Variants in RELT observed in about 807,000 individuals in gnomAD.
The protein encoded by RELT is RELT TNF receptor.
A neutral mutation model predicts 51.1 loss-of-function variants in RELT; 37 were observed. The observed-to-expected ratio is 0.72, with a 90% CI of 0.56 to 0.95. The LOEUF is 0.95. Ranked by LOEUF, RELT falls within the 40% of genes least tolerant of loss-of-function variation. The pLI is 0.00. For synonymous variants in RELT, 241 were observed against 235.7 expected (o/e 1.02, Z -0.21); for missense variants, 535 against 572.6 (o/e 0.93, Z 0.67).
chr11:73,392,441 G>A lies in RELT; in HGVS notation c.598G>A (p.Gly200Arg), dbSNP rs768121452. 3 of 1,613,122 alleles carry A rather than the reference G, an allele frequency of 1.9e-6. No individual in the cohort carries two copies. The highest frequency in any genetic ancestry group is 2.7e-5 in the African/African-American group (2 of 74,932). ...CCACTGCACGGCGCACAAGGAGGTCGGGCCCGGCCCTGGAGGTGGAGGCAG... is the reference window on the plus strand; with the variant it reads ...CCACTGCACGGCGCACAAGGAGGTCAGGCCCGGCCCTGGAGGTGGAGGCAG... ...GYHCTAHKEV[G>R]PGPGGGGSGI... Residue 200 changes from glycine to arginine, a missense_variant, in exon 6 of 11, where the codon GGG (glycine) becomes AGG (arginine). Gly to Arg is a moderately radical substitution (Grantham distance 125). Transcript: ENST00000064780.
chr11:73,390,773 T>A lies in RELT; in HGVS notation c.139T>A (p.Leu47Ile). ...EPDLDPGQGT[L>I]CRPCPPGTFS... ...CCCACAGGACCCAGGGCAGGGCACA[T>A]TATGCAGGCCCTGCCCCCCAGGCAC... Residue 47 changes from leucine to isoleucine, a missense_variant, in exon 4 of 11, where the codon TTA becomes ATA. By Grantham distance (5) the Leu-to-Ile change is conservative. Transcript: ENST00000064780. 1 of 1,608,650 alleles carries A rather than the reference T, an allele frequency of 6.2e-7. No homozygotes were observed. Among genetic ancestry groups the A allele is most frequent in the Non-Finnish European group, 8.5e-7 (1 of 1,177,922 alleles).
chr11:73,391,041 G>A (rs1480137616), intron 4 of RELT, 103 bp from the exon 5 acceptor site: 10 of 1,522,992 alleles, frequency 6.6e-6, no homozygotes, highest in Admixed American at 1.8e-5. Flanking sequence ...AAATGGGATG[G>A]GGCAGGACCA....
At chr11:73,383,318 C>T (rs1322929046) in intron 1 of RELT, among the ~76,000 whole-genome samples, 1 of 152,188 alleles carries the variant, frequency 6.6e-6, no homozygotes, top group Non-Finnish European at 1.5e-5. Context: ...CCTCTTTTTC[C>T]CCGCTCTGGG....
At chr11:73,395,035 C>G in intron 9 of RELT, 52 bp from the exon 10 acceptor site, 1 of 1,502,280 alleles carries the variant, frequency 6.7e-7, no homozygotes. Flanking sequence ...GCTGCCTTCT[C>G]TGTGCCCCGG....
In RELT at chr11:73,393,402, G is replaced by A. The variant is rs894932828; in HGVS notation, c.626-435G>A. 37 of 1,162,052 alleles carry A rather than the reference G, an allele frequency of 3.2e-5. No individual in the cohort carries two copies. In the East Asian group the frequency reaches 2.1e-3, roughly 66 times the overall value. The allele number at this position is 1,162,052 out of a possible 1,614,324, so 72.0% of individuals were successfully genotyped here. A position where few individuals can be genotyped will look rare whatever the true frequency, so the allele number is the denominator to read the frequency against. Reference sequence around the variant, plus strand: ...GATTTGGGCCCAAAGCTGACTAGGGGCACTCAGTTAAATTGTTACATAGGG... The same window carrying A: ...GATTTGGGCCCAAAGCTGACTAGGGACACTCAGTTAAATTGTTACATAGGG... On this transcript the variant is annotated intron_variant, in intron 6 of 10. Transcript: ENST00000064780.
chr11:73,383,344 C>T (rs976494344), intron 1 of RELT, among the ~76,000 whole-genome samples: 2 of 152,228 alleles, frequency 1.3e-5, no homozygotes, highest in Non-Finnish European at 2.9e-5. Flanking sequence ...CCAGACTTCC[C>T]CGGTCTTCCT....
intron 1 of RELT, among the ~76,000 whole-genome samples, chr11:73,378,698 G>A (rs990277550): frequency 8.5e-5 from 13 of 152,234 alleles, no homozygotes; most frequent in Non-Finnish European, 1.5e-4. Flanking sequence ...GTGCACACAT[G>A]TCTGGAACAC....
At chr11:73,393,807 C>A (rs1590738603) in intron 6 of RELT, 30 bp from the exon 7 acceptor site, 1 of 1,609,566 alleles carries the variant, frequency 6.2e-7, no homozygotes. Flanking sequence ...TCCCCCTCTT[C>A]CCCAGGATCA....
chr11:73,389,594 T>C (rs1414036441), intron 2 of RELT, among the ~76,000 whole-genome samples: 1 of 152,166 alleles, frequency 6.6e-6, no homozygotes, highest in Non-Finnish European at 1.5e-5. Context: ...AGATTCCAGG[T>C]CCCAGGATCA....
rs1033397399 is a variant in RELT at position 73,396,275 on chromosome 11, T to G, written c.*784T>G. The G allele has an allele frequency of 2.0e-5, 3 of 152,578 alleles. No individual in the cohort carries two copies. The highest frequency in any genetic ancestry group is 7.2e-5 in the African/African-American group (3 of 41,458). The allele number at this position is 152,578 out of a possible 1,614,324, so 9.5% of individuals were successfully genotyped here. A position where few individuals can be genotyped will look rare whatever the true frequency, so the allele number is the denominator to read the frequency against. On this transcript the variant is annotated 3_prime_UTR_variant, in exon 11 of 11. Transcript: ENST00000064780. ...CATGTGCCTGCCCCTCCCCCAGCTG[T>G]TTTTAATGAAACTGAAAAAATAGAC...
chr11:73,392,818 G>A, intron 6 of RELT: 2 of 1,193,750 alleles, frequency 1.7e-6, no homozygotes, highest in East Asian at 9.2e-5. Context: ...TCTGACCTCT[G>A]GCCTGGAGTA....
At chr11:73,393,639 G>A (rs1267356228) in intron 6 of RELT, 198 bp from the exon 7 acceptor site, 3 of 1,538,200 alleles carry the variant, frequency 2.0e-6, no homozygotes, top group Non-Finnish European at 2.6e-6. Context: ...GGAAGCACTG[G>A]TGTTGAATCA....
At position 73,391,195 on chromosome 11, in the gene RELT, G is replaced by A; in HGVS notation, c.339G>A (p.Trp113Ter). 1 of 1,613,968 alleles carries A rather than the reference G, an allele frequency of 6.2e-7. No individual in the cohort carries two copies. Among genetic ancestry groups the A allele is most frequent in the South Asian group, 1.1e-5 (1 of 91,050 alleles). ...VPRVPCQPCS[W>*]APLGTHGCDE... Reference sequence around the variant, plus strand: ...GCGTTCCATGTCAACCATGTTCCTGGGCACCTCTGGGTACTCATGGCTGTG... The same window carrying A: ...GCGTTCCATGTCAACCATGTTCCTGAGCACCTCTGGGTACTCATGGCTGTG... Residue 113 changes from tryptophan (W) to a stop codon, truncating the protein, a stop_gained, in exon 5 of 11, where the codon TGG becomes TGA. Transcript: ENST00000064780. LOFTEE classifies it high-confidence loss of function.
chr11:73,385,424 A>G (rs927463419), intron 1 of RELT, among the ~76,000 whole-genome samples: 1 of 152,044 alleles, frequency 6.6e-6, no homozygotes, highest in African/African-American at 2.4e-5. Context: ...GGCCTTTGCT[A>G]GTTGGCTTTT....
chr11:73,383,071 C>T (rs1397602241), intron 1 of RELT, among the ~76,000 whole-genome samples: 1 of 152,216 alleles, frequency 6.6e-6, no homozygotes, highest in Non-Finnish European at 1.5e-5. Flanking sequence ...TGCCCAACTT[C>T]TGGGGGTGTT....
At chr11:73,385,999 C>T (rs914536697) in intron 1 of RELT, among the ~76,000 whole-genome samples, 1 of 152,232 alleles carries the variant, frequency 6.6e-6, no homozygotes, top group African/African-American at 2.4e-5. Context: ...GCAGTCCATC[C>T]TGGATGGCAG....
intron 1 of RELT, among the ~76,000 whole-genome samples, chr11:73,378,221 T>A (rs185600640): frequency 1.1e-4 from 17 of 152,206 alleles, no homozygotes; most frequent in Admixed American, 1.0e-3. Context: ...GTGGGGTTCA[T>A]GCAGGGTGGG....
chr11:73,379,705 C>T (rs112150764), intron 1 of RELT, among the ~76,000 whole-genome samples: 3 of 152,350 alleles, frequency 2.0e-5, no homozygotes, highest in African/African-American at 7.2e-5. Context: ...TTCTGGACGT[C>T]GGCCTGCCTC....
At chr11:73,379,857 C>T (rs1240388839) in intron 1 of RELT, among the ~76,000 whole-genome samples, 6 of 152,254 alleles carry the variant, frequency 3.9e-5, no homozygotes. Flanking sequence ...TCAAACTCCT[C>T]ACCTGGCAAT....
Sources: allele counts gnomAD v4.1 joint callset (sites outside exome capture counted in the v4.1 genomes callset), GRCh38; gene constraint gnomAD v4.1.1; transcripts MANE v1.5; gene names NCBI Gene and HGNC (gene_info 2026-07-23, HGNC 2026-07-21).